Variants in OR10H1 observed in about 807,000 individuals in gnomAD.
The protein encoded by OR10H1 is olfactory receptor family 10 subfamily H member 1.
Under a neutral mutation model 13.1 loss-of-function variants are expected in OR10H1, and 12 were observed. The ratio of observed to expected loss-of-function variants is 0.92; its 90% CI spans 0.59 to 1.48. OR10H1 has a LOEUF of 1.48. Among genes scored for constraint, OR10H1 ranks in the 40% most tolerant of loss-of-function variants. OR10H1 has a pLI of 0.00. For synonymous variants in OR10H1, 168 were observed against 175.6 expected (o/e 0.96, Z 0.34); for missense variants, 363 against 413.1 (o/e 0.88, Z 1.05).
chr19:15,808,082 C>T (rs1239726025), intron 3 of OR10H1, 34 bp from the exon 4 acceptor site: 3 of 1,543,554 alleles, frequency 1.9e-6, no homozygotes, highest in African/African-American at 1.4e-5. Context: ...ATGTCAGTTA[C>T]TGCATGAAGA....
rs1009679326 is a variant in OR10H1, at chr19:15,805,039, C to T, written c.*2042G>A. 1.2e-4 allele frequency: 19 copies of T among 152,178 alleles called. No individual in the cohort carries two copies. The highest frequency in any genetic ancestry group is 2.9e-4 in the African/African-American group (12 of 41,524). The allele number at this position is 152,178 out of a possible 1,614,324, so 9.4% of individuals were successfully genotyped here. A position where few individuals can be genotyped will look rare whatever the true frequency, so the allele number is the denominator to read the frequency against. On this transcript the variant is annotated 3_prime_UTR_variant, in exon 4 of 4. Transcript: ENST00000641419. ...TGTCTTCTTTTGAGAAGTGTCTGTT[C>T]ATATCCTTTGCCCACTTTTTGATGG...
At chr19:15,808,958 G>C (rs1368681403) in intron 2 of OR10H1, 117 bp from the exon 3 acceptor site, 2 of 151,966 alleles carry the variant, frequency 1.3e-5, no homozygotes, top group African/African-American at 4.8e-5. Flanking sequence ...GATAAATCAC[G>C]TTCATCCCCC....
chr19:15,807,818 T>C lies in OR10H1; in HGVS notation c.220A>G (p.Thr74Ala). 1 of 1,607,238 alleles carries C rather than the reference T, an allele frequency of 6.2e-7. No homozygotes were observed. Among genetic ancestry groups the C allele is most frequent in the Non-Finnish European group, 8.5e-7 (1 of 1,174,954 alleles). ...AGCATGCGCGGGATGATGGCCACGG[T>C]GTAGAGGATCTCGGAGACGGAGAGG... ...CALSVSEILY[T>A]VAIIPRMLAD... is the part of the protein sequence containing the mutation. The change falls in exon 4 of 4, where the codon ACC (threonine) becomes GCC (alanine). Residue 74 changes from threonine (T) to alanine (A), a missense_variant. Transcript: ENST00000641419.
chr19:15,812,601 GGAAGGAGAGTGAGGGAGGAAA>G lies in OR10H1; in HGVS notation c.-521_-501del, dbSNP rs1394742506. ...AAGAAAGGAGGGAGGGAGGCAGGAA[GGAAGGAGAGTGAGGGAGGAAA>G]GAAGGAGAGTGAGGAAGGAAGGAAG... On this transcript the variant is annotated 5_prime_UTR_variant, in exon 2 of 4. Transcript: ENST00000641419. 2 of 144,694 alleles carry G rather than the reference GGAAGGAGAGTGAGGGAGGAAA, an allele frequency of 1.4e-5. No homozygotes were observed. The highest frequency in any genetic ancestry group is 5.2e-5 in the African/African-American group (2 of 38,368). The allele number at this position is 144,694 out of a possible 1,614,324, so 9.0% of individuals were successfully genotyped here. A position where few individuals can be genotyped will look rare whatever the true frequency, so the allele number is the denominator to read the frequency against.
intron 2 of OR10H1, among the ~76,000 whole-genome samples, chr19:15,810,104 G>A (rs539559501): frequency 6.6e-6 from 1 of 152,190 alleles, no homozygotes; most frequent in South Asian, 2.1e-4. Context: ...AGACCAGCCT[G>A]GGCAACATGG....
Position 15,807,821 on chromosome 19 carries a change from A to T in OR10H1, c.217T>A (p.Tyr73Asn). The part of the protein sequence containing the change: ...LCALSVSEIL[Y>N]TVAIIPRMLA... ...ATGCGCGGGATGATGGCCACGGTGT[A>T]GAGGATCTCGGAGACGGAGAGGGCG... The change falls in exon 4 of 4, where the codon TAC (tyrosine) becomes AAC (asparagine). Residue 73 changes from tyrosine to asparagine, a missense_variant. Transcript: ENST00000641419. 1.2e-6 allele frequency: 2 copies of T among 1,607,672 alleles called. No individual in the cohort carries two copies. Among genetic ancestry groups the T allele is most frequent in the Non-Finnish European group, 1.7e-6 (2 of 1,175,060 alleles).
rs147697493 is a variant in OR10H1, at chr19:15,813,875, A to C, written c.-777-997T>G. ...GAAGAGAAACAGAGAGAGGAAAGAG[A>C]GGTAGGGAGAAAGAGAGGACAGAGG... On this transcript the variant is annotated intron_variant, in intron 1 of 3. Transcript: ENST00000641419. Among the ~76,000 whole-genome samples the C allele has an allele frequency of 2.0e-5, 3 of 151,466 alleles. No homozygotes were observed. The East Asian group carries it at 5.9e-4, about 30-fold the overall frequency.
Position 15,807,492 on chromosome 19 carries a change from T to C in OR10H1, c.546A>G (p.Pro182=), listed in dbSNP as rs200849426. The C allele has an allele frequency of 1.7e-5, 27 of 1,613,996 alleles. No individual in the cohort carries two copies. Among genetic ancestry groups the C allele is most frequent in the African/African-American group, 1.5e-4 (11 of 74,984 alleles). Residue 182 remains proline (P), a synonymous_variant, in exon 4 of 4, where the codon CCA becomes CCG. Transcript: ENST00000641419. Reference sequence around the variant, plus strand: ...CTCCACAGGCCAACTTCAACAGAGGTGGCACATGGCAAGCAAAATGGTGGA... The same window carrying C: ...CTCCACAGGCCAACTTCAACAGAGGCGGCACATGGCAAGCAAAATGGTGGA... The part of the protein sequence containing the change: ...KEIHHFACHV[P]PLLKLACGDD...
intron 1 of OR10H1, among the ~76,000 whole-genome samples, chr19:15,814,478 TGTGAGAGAGAGA>T (rs2088954312): frequency 7.6e-5 from 2 of 26,460 alleles, no homozygotes; most frequent in African/African-American, 2.0e-4. Flanking sequence ...TGTGTGTGTG[TGTGAGAGAGAGA>T]GAGAGAGAGA....
intron 1 of OR10H1, among the ~76,000 whole-genome samples, chr19:15,814,470 TGTGTGTGTGTGAGAGAGAGAGAGAGA>T (rs1329589234): frequency 8.1e-4 from 44 of 54,630 alleles, no homozygotes; most frequent in African/African-American, 2.5e-3. Flanking sequence ...TGTGTGTGTG[TGTGTGTGTGTGAGAGAGAGAGAGAGA>T]GAGAGAGAGA....
intron 2 of OR10H1, among the ~76,000 whole-genome samples, chr19:15,810,894 AAAAT>A (rs2088929222): frequency 1.1e-5 from 1 of 89,076 alleles, no homozygotes. Context: ...GAAATAAAAT[AAAAT>A]AAAAATAAAG....
chr19:15,806,846 C>A lies in OR10H1; in HGVS notation c.*235G>T, dbSNP rs1023252061. 7 of 472,190 alleles carry A rather than the reference C, an allele frequency of 1.5e-5. No homozygotes were observed. The highest frequency in any genetic ancestry group is 2.3e-5 in the Non-Finnish European group (6 of 262,422). 29.3% of individuals were successfully genotyped at this position (472,190 alleles called of 1,614,324 possible). On this transcript the variant is annotated 3_prime_UTR_variant, in exon 4 of 4. Transcript: ENST00000641419. The stretch of plus-strand genomic sequence containing the variant: ...GGGTCAAGCGATTCTTATGCCTCAG[C>A]CTCCCAAGTAGCTAGGGTTACAGGC...
chr19:15,815,340 CAA>C (rs10648172), intron 1 of OR10H1, among the ~76,000 whole-genome samples: 48 of 115,824 alleles, frequency 4.1e-4, no homozygotes, highest in African/African-American at 1.5e-3. Flanking sequence ...GATTCCGTCT[CAA>C]AAAAAAAAAA....
Position 15,807,192 on chromosome 19 carries a change from G to A in OR10H1, c.846C>T (p.Leu282=). 6.2e-7 allele frequency: 1 copy of A among 1,614,164 alleles called. No individual in the cohort carries two copies. Among genetic ancestry groups the A allele is most frequent in the Non-Finnish European group, 8.5e-7 (1 of 1,180,036 alleles). The change falls in exon 4 of 4, where the codon CTC becomes CTT. Residue 282 remains leucine, a synonymous_variant. Transcript: ENST00000641419. ...DTLMGITYTV[L]TPFLSPIIFS... ...AGATGATGGGGCTGAGGAAGGGTGT[G>A]AGGACCGTGTAGGTGATGCCCATCA...
intron 3 of OR10H1, 51 bp from the exon 4 acceptor site, chr19:15,808,099 C>A (rs1052507043): frequency 1.4e-6 from 2 of 1,471,128 alleles, no homozygotes; most frequent in Non-Finnish European, 1.9e-6. Context: ...AAGAAAAGTT[C>A]TCAGCCTTCC....
intron 1 of OR10H1, 40 bp downstream of exon 1, chr19:15,815,515 G>A (rs2088961877): frequency 6.6e-6 from 1 of 152,196 alleles, no homozygotes; most frequent in South Asian, 2.1e-4. Flanking sequence ...GGTTCCCCAG[G>A]TCTCTCCTGG....
intron 1 of OR10H1, among the ~76,000 whole-genome samples, chr19:15,813,344 G>A (rs1454755346): frequency 1.3e-5 from 2 of 152,146 alleles, no homozygotes; most frequent in African/African-American, 2.4e-5. Context: ...GGATAGCAGC[G>A]AGGAGGATTT....
chr19:15,808,898 C>G (rs569758381), intron 2 of OR10H1, 57 bp from the exon 3 acceptor site: 1 of 152,138 alleles, frequency 6.6e-6, no homozygotes, highest in South Asian at 2.1e-4. Flanking sequence ...AAAACATATT[C>G]CTTTGCTGGA....
In OR10H1 at chr19:15,806,309, T is replaced by C. The variant is rs1233039965; in HGVS notation, c.*772A>G. On this transcript the variant is annotated 3_prime_UTR_variant, in exon 4 of 4. Transcript: ENST00000641419. ...TCCACTCCAAATACATCCCTGATGCTGATTAACCTTTGTGTTTATAATTGT... is the reference window on the plus strand; with the variant it reads ...TCCACTCCAAATACATCCCTGATGCCGATTAACCTTTGTGTTTATAATTGT... The C allele has an allele frequency of 6.6e-6, 1 of 152,240 alleles. No homozygotes were observed. The allele number at this position is 152,240 out of a possible 1,614,324, so 9.4% of individuals were successfully genotyped here. A position where few individuals can be genotyped will look rare whatever the true frequency, so the allele number is the denominator to read the frequency against.
Sources: gnomAD v4.1 joint callset for allele counts (sites outside exome capture counted in the v4.1 genomes callset) on GRCh38, gnomAD v4.1.1 for gene constraint, MANE v1.5 for transcripts, NCBI Gene and HGNC (gene_info 2026-07-23, HGNC 2026-07-21) for gene names.